NKAIN2: variants seen among roughly 807,000 people sequenced by gnomAD.
The protein encoded by NKAIN2 is sodium/potassium-transporting ATPase subunit beta-1-interacting protein 2.
In NKAIN2, 14 loss-of-function variants were observed where a neutral mutation model predicts 32.6. That is an observed-to-expected ratio of 0.43 (90% CI 0.28 to 0.67). The LOEUF is 0.67. Among genes scored for constraint, NKAIN2 ranks in the 30% least tolerant of loss-of-function variants. The pLI is 0.17. For missense variants in NKAIN2, 198 were observed against 258.3 expected (o/e 0.77, Z 1.60); for synonymous variants, 80 against 87.2 (o/e 0.92, Z 0.46).
intron 1 of NKAIN2, among the ~76,000 whole-genome samples, chr6:124,084,937 C>T (rs138431316): frequency 6.6e-6 from 1 of 152,088 alleles, no homozygotes; most frequent in East Asian, 1.9e-4. Context: ...TAGTGCACAG[C>T]AGGTAAATGC....
intron 1 of NKAIN2, among the ~76,000 whole-genome samples, chr6:124,007,664 T>A (rs1000585210): frequency 6.6e-6 from 1 of 152,116 alleles, no homozygotes; most frequent in East Asian, 1.9e-4. Context: ...GTGCTAGACC[T>A]CAACCCTACA....
chr6:124,596,079 C>A (rs1311208854), intron 3 of NKAIN2, among the ~76,000 whole-genome samples: 1 of 152,170 alleles, frequency 6.6e-6, no homozygotes, highest in East Asian at 1.9e-4. Context: ...GGAACCCCAA[C>A]AGAATTATTA....
chr6:124,088,293 AT>A (rs1364916802), intron 1 of NKAIN2, among the ~76,000 whole-genome samples: 1 of 151,942 alleles, frequency 6.6e-6, no homozygotes, highest in African/African-American at 2.4e-5. Context: ...GTGGTGGTGT[AT>A]GCCTGTATCC....
chr6:124,336,678 G>A (rs67467451), intron 2 of NKAIN2, among the ~76,000 whole-genome samples: 2 of 57,202 alleles, frequency 3.5e-5, no homozygotes, highest in East Asian at 2.2e-3. Flanking sequence ...GTTTTTTTTT[G>A]TTTGTTTTTT....
intron 4 of NKAIN2, among the ~76,000 whole-genome samples, chr6:124,777,955 AC>A (rs1779053619): frequency 6.6e-6 from 1 of 151,384 alleles, no homozygotes; most frequent in African/African-American, 2.4e-5. Flanking sequence ...ATTCACACAC[AC>A]ACACACACAC....
chr6:124,366,824 A>G (rs116903793), intron 3 of NKAIN2, among the ~76,000 whole-genome samples: 2,178 of 151,806 alleles, frequency 0.014, 30 homozygotes, highest in Non-Finnish European at 0.022. Flanking sequence ...GCTACTCAGG[A>G]GGCTGAGGTG....
chr6:124,131,460 A>G (rs1445948278), intron 1 of NKAIN2, among the ~76,000 whole-genome samples: 1 of 152,216 alleles, frequency 6.6e-6, no homozygotes, highest in African/African-American at 2.4e-5. Context: ...GAGAACCACC[A>G]CAGGAATGTA....
In NKAIN2 at chr6:123,814,118, T is replaced by A. The variant is rs537783268; in HGVS notation, c.54+9864T>A. 5.3e-5 allele frequency among the ~76,000 whole-genome samples: 8 copies of A among 152,254 alleles called. No individual in the cohort carries two copies. In the South Asian group the frequency reaches 1.7e-3, roughly 32 times the overall value. On this transcript the variant is annotated intron_variant, in intron 1 of 6. Transcript: ENST00000368417. ...GTTTGCCTTTTCTATGCACCTGGAA[T>A]TAAAGGCTTCTTTCATTTTCCTACA...
chr6:124,213,165 T>C (rs1791278036), intron 1 of NKAIN2, among the ~76,000 whole-genome samples: 1 of 152,152 alleles, frequency 6.6e-6, no homozygotes. Flanking sequence ...TCTGAGTTTC[T>C]TATGACACAG....
chr6:124,572,529 A>G (rs572958078), intron 3 of NKAIN2, among the ~76,000 whole-genome samples: 25 of 152,330 alleles, frequency 1.6e-4, no homozygotes, highest in African/African-American at 5.3e-4. Context: ...GCAAATACTG[A>G]TTTCTTTTGC....
chr6:124,558,602 T>C (rs572407153), intron 3 of NKAIN2, among the ~76,000 whole-genome samples: 61 of 152,174 alleles, frequency 4.0e-4, no homozygotes, highest in Admixed American at 6.5e-4. Flanking sequence ...CAAGATGCCC[T>C]AAGAGTTGGT....
intron 3 of NKAIN2, among the ~76,000 whole-genome samples, chr6:124,512,666 G>A (rs769344599): frequency 1.8e-4 from 28 of 152,226 alleles, no homozygotes; most frequent in Admixed American, 3.3e-4. Context: ...TCTGGCCCAC[G>A]GCTGTGCAAC....
At chr6:124,281,508 T>C (rs536162095) in intron 1 of NKAIN2, among the ~76,000 whole-genome samples, 1 of 152,240 alleles carries the variant, frequency 6.6e-6, no homozygotes, top group African/African-American at 2.4e-5. Flanking sequence ...TATTAAGGAG[T>C]AAGAATATTG....
intron 2 of NKAIN2, among the ~76,000 whole-genome samples, chr6:124,290,469 G>T (rs1261711307): frequency 6.6e-6 from 1 of 150,574 alleles, no homozygotes; most frequent in Non-Finnish European, 1.5e-5. Context: ...TTCTCCAGCT[G>T]TTCCTCATCT....
chr6:124,823,018 T>C (rs773877802), intron 6 of NKAIN2, among the ~76,000 whole-genome samples: 1 of 152,176 alleles, frequency 6.6e-6, no homozygotes, highest in Non-Finnish European at 1.5e-5. Flanking sequence ...AGATTCTAAA[T>C]GACCAAAACT....
chr6:123,922,156 A>T (rs1302445689), intron 1 of NKAIN2, among the ~76,000 whole-genome samples: 1 of 152,194 alleles, frequency 6.6e-6, no homozygotes, highest in Non-Finnish European at 1.5e-5. Context: ...AAGAGTCGTT[A>T]TTCAAAAAAC....
chr6:124,142,852 A>T (rs2114342893), intron 1 of NKAIN2, among the ~76,000 whole-genome samples: 1 of 152,330 alleles, frequency 6.6e-6, no homozygotes, highest in African/African-American at 2.4e-5. Context: ...ATAAAGTGAT[A>T]AAATTTATTT....
At chr6:124,399,487 A>G (rs1195354176) in intron 3 of NKAIN2, among the ~76,000 whole-genome samples, 1 of 152,234 alleles carries the variant, frequency 6.6e-6, no homozygotes, top group Admixed American at 6.5e-5. Flanking sequence ...TCTAACACTC[A>G]TAGAGCCTTT....
At chr6:124,567,279 C>T (rs1403360003) in intron 3 of NKAIN2, among the ~76,000 whole-genome samples, 2 of 152,180 alleles carry the variant, frequency 1.3e-5, no homozygotes, top group Non-Finnish European at 1.5e-5. Context: ...GACTATTATT[C>T]TAAATTCATG....
Sources: allele counts gnomAD v4.1 joint callset (sites outside exome capture counted in the v4.1 genomes callset), GRCh38; gene constraint gnomAD v4.1.1; transcripts MANE v1.5; gene names NCBI Gene and HGNC (gene_info 2026-07-23, HGNC 2026-07-21).